Variants in AGMO observed in about 807,000 individuals in gnomAD.
The protein encoded by AGMO is glyceryl-ether monooxygenase.
A neutral mutation model predicts 60.2 loss-of-function variants in AGMO; 75 were observed. The observed-to-expected ratio is 1.25, with a 90% CI of 1.03 to 1.51. The LOEUF (loss-of-function observed/expected upper bound fraction) is 1.51. Among genes scored for constraint, AGMO ranks in the 40% most tolerant of loss-of-function variants. AGMO has a pLI of 0.00. For synonymous variants in AGMO, 261 were observed against 177.1 expected (o/e 1.47, Z -3.76); for missense variants, 763 against 525.5 (o/e 1.45, Z -4.42).
At chr7:15,124,361 T>C in the AGMO span, among the ~76,000 whole-genome samples, 1 of 152,082 alleles carries the variant, frequency 6.6e-6, no homozygotes, top group African/African-American at 2.4e-5. Context: ...CCAGATTTTT[T>C]CCATAGTCAG....
At chr7:15,345,260 G>A (rs984374283) in intron 12 of AGMO, among the ~76,000 whole-genome samples, 1 of 151,868 alleles carries the variant, frequency 6.6e-6, no homozygotes, top group African/African-American at 2.4e-5. Flanking sequence ...TTTTTCTCTT[G>A]CTGTTCTTCC....
At chr7:15,386,706 TAAGAG>T (rs763142222) in intron 9 of AGMO, among the ~76,000 whole-genome samples, 109 of 152,302 alleles carry the variant, frequency 7.2e-4, no homozygotes, top group Admixed American at 3.8e-3. Flanking sequence ...TCCTTGAAAT[TAAGAG>T]TAGTTTACTC....
Position 15,241,872 on chromosome 7 carries a change from G to A in AGMO, c.1264-40513C>T, listed in dbSNP as rs114514736. 3.0e-3 allele frequency among the ~76,000 whole-genome samples: 458 copies of A among 152,248 alleles called. 4 individuals are homozygous for A. The highest frequency in any genetic ancestry group is 0.011 in the African/African-American group (438 of 41,536). On this transcript the variant is annotated intron_variant, in intron 12 of 12. Coordinates refer to ENST00000342526, the MANE Select transcript of AGMO (RefSeq NM_001004320.2). ...GCTCTGAGGAAGAATCAGCTTCTAA[G>A]CTCATTCAGTTTTTGGAAGAATTCA...
intron 10 of AGMO, among the ~76,000 whole-genome samples, chr7:15,369,280 CAG>C (rs1191093788): frequency 6.6e-6 from 1 of 152,054 alleles, no homozygotes; most frequent in Non-Finnish European, 1.5e-5. Flanking sequence ...CCACAGCATG[CAG>C]AGTGATCCTT....
intron 12 of AGMO, among the ~76,000 whole-genome samples, chr7:15,201,958 C>G (rs1781300292): frequency 6.6e-6 from 1 of 152,086 alleles, no homozygotes; most frequent in African/African-American, 2.4e-5. Context: ...TGAGTTTGTT[C>G]AATCCAGGCT....
At chr7:15,266,395 A>G (rs1216825411) in intron 12 of AGMO, among the ~76,000 whole-genome samples, 1 of 148,736 alleles carries the variant, frequency 6.7e-6, no homozygotes, top group Non-Finnish European at 1.5e-5. Flanking sequence ...ACTGCAATGG[A>G]AAAAGCAAAA....
chr7:15,238,818 T>C (rs1262621535), intron 12 of AGMO, among the ~76,000 whole-genome samples: 2 of 152,082 alleles, frequency 1.3e-5, no homozygotes, highest in Non-Finnish European at 2.9e-5. Flanking sequence ...TCATAGAAAG[T>C]CATAAGTATA....
chr7:15,192,676 A>G, the AGMO span, among the ~76,000 whole-genome samples: 1 of 152,160 alleles, frequency 6.6e-6, no homozygotes, highest in African/African-American at 2.4e-5. Context: ...CCTAGACAGC[A>G]ACTGCTAATA....
At chr7:15,242,237 A>G (rs1215223533) in intron 12 of AGMO, among the ~76,000 whole-genome samples, 2 of 152,158 alleles carry the variant, frequency 1.3e-5, no homozygotes, top group Non-Finnish European at 2.9e-5. Flanking sequence ...ATCATGAAGG[A>G]CCATTTTAGG....
rs555989466 is a variant in AGMO at position 15,203,186 on chromosome 7, A to G, written c.1264-1827T>C. ...TTTTCGGAGTATTCTCATAAATCTC[A>G]TAATTCTCCTCTTTTCCATTCTCAA... is the stretch of plus-strand genomic sequence containing the variant. On this transcript the variant is annotated intron_variant, in intron 12 of 12. Coordinates refer to ENST00000342526, the MANE Select transcript of AGMO (RefSeq NM_001004320.2). 3.3e-5 allele frequency among the ~76,000 whole-genome samples: 5 copies of G among 152,246 alleles called. No homozygotes were observed. The South Asian group carries it at 1.0e-3, about 32-fold the overall frequency.
At chr7:15,220,385 T>TA (rs1781883452) in intron 12 of AGMO, among the ~76,000 whole-genome samples, 1 of 148,812 alleles carries the variant, frequency 6.7e-6, no homozygotes, top group Non-Finnish European at 1.5e-5. Context: ...CATTCCTGGC[T>TA]AATTTTTTTT....
At chr7:15,542,092 G>A (rs1003574956) in intron 3 of AGMO, among the ~76,000 whole-genome samples, 2 of 151,672 alleles carry the variant, frequency 1.3e-5, no homozygotes, top group African/African-American at 4.8e-5. Context: ...GTTTTTTTTA[G>A]CCCTGTGTGT....
At position 15,549,063 on chromosome 7, in the gene AGMO, A is replaced by G. The variant is rs535238688; in HGVS notation, c.258-4140T>C. Among the ~76,000 whole-genome samples the G allele has an allele frequency of 3.3e-5, 5 of 150,904 alleles. No homozygotes were observed. The East Asian group carries it at 7.8e-4, about 23-fold the overall frequency. On this transcript the variant is annotated intron_variant, in intron 2 of 12. Coordinates refer to ENST00000342526, the MANE Select transcript of AGMO (RefSeq NM_001004320.2). Reference sequence around the variant, plus strand: ...AACCCAGAATTTCATATCCAGCCAAACTAAGCTTCATAAGCGAAGGAGAAA... The same window carrying G: ...AACCCAGAATTTCATATCCAGCCAAGCTAAGCTTCATAAGCGAAGGAGAAA...
chr7:15,336,583 C>G (rs1039230277), intron 12 of AGMO, among the ~76,000 whole-genome samples: 4 of 152,104 alleles, frequency 2.6e-5, no homozygotes, highest in Admixed American at 2.6e-4. Flanking sequence ...TGGGAAATTT[C>G]AATTGTCATT....
chr7:15,504,232 C>CT (rs1226718524), intron 3 of AGMO, among the ~76,000 whole-genome samples: 1 of 151,972 alleles, frequency 6.6e-6, no homozygotes, highest in Non-Finnish European at 1.5e-5. Context: ...AATGTAAATG[C>CT]TATATCTTCT....
At chr7:15,308,290 T>C (rs1007522293) in intron 12 of AGMO, among the ~76,000 whole-genome samples, 1 of 152,124 alleles carries the variant, frequency 6.6e-6, no homozygotes, top group Non-Finnish European at 1.5e-5. Flanking sequence ...TTGTTATAAA[T>C]TTGCATATTT....
downstream of AGMO, among the ~76,000 whole-genome samples, chr7:15,197,743 C>T (rs1317877879): frequency 6.6e-6 from 1 of 152,304 alleles, no homozygotes. Flanking sequence ...GACTAAAATA[C>T]TTATCCTGAG....
chr7:15,524,868 A>C (rs1400295465), intron 3 of AGMO, among the ~76,000 whole-genome samples: 1 of 151,618 alleles, frequency 6.6e-6, no homozygotes, highest in Non-Finnish European at 1.5e-5. Flanking sequence ...ATCTCAAAAA[A>C]AAAAAAAAGA....
chr7:15,254,773 G>C (rs1414279543), intron 12 of AGMO, among the ~76,000 whole-genome samples: 1 of 150,662 alleles, frequency 6.6e-6, no homozygotes. Flanking sequence ...AACAAAATCA[G>C]AGATGAAAAA....
Sources: allele counts gnomAD v4.1 joint callset (sites outside exome capture counted in the v4.1 genomes callset), GRCh38; gene constraint gnomAD v4.1.1; transcripts MANE v1.5; gene names NCBI Gene and HGNC (gene_info 2026-07-23, HGNC 2026-07-21).